The following PPM1H variants were observed in gnomAD, a reference collection of about 807,000 sequenced individuals.
PPM1H encodes the protein protein phosphatase, Mg2+/Mn2+ dependent 1H, also known as protein phosphatase 1H.
Under a neutral mutation model 54.9 loss-of-function variants are expected in PPM1H, and 27 were observed. The ratio of observed to expected loss-of-function variants is 0.49; its 90% confidence interval spans 0.36 to 0.68. The LOEUF is 0.68. Ranked by LOEUF, PPM1H falls within the 30% of genes least tolerant of loss-of-function variation. The probability of loss-of-function intolerance (pLI) is 0.00; values close to 1 mark genes in which losing one functional copy is unlikely to be tolerated. For missense variants in PPM1H, 596 were observed against 667.8 expected, an observed-to-expected ratio of 0.89 and a Z score of 1.19; for synonymous variants, 305 against 270.8, an observed-to-expected ratio of 1.13 and a Z score of -1.24.
intron 1 of PPM1H, among the ~76,000 whole-genome samples, chr12:62,855,442 A>G (rs965635265): frequency 1.3e-5 from 2 of 152,188 alleles, no homozygotes; most frequent in Non-Finnish European, 2.9e-5. Context: ...GGCAATGAGC[A>G]GAAACAGGTT....
At chr12:62,655,702 G>A (rs1268279328) in intron 9 of PPM1H, among the ~76,000 whole-genome samples, 1 of 152,208 alleles carries the variant, frequency 6.6e-6, no homozygotes, top group Admixed American at 6.5e-5. Flanking sequence ...AACTGGGACT[G>A]TGTGGCAGCC....
chr12:62,664,607 A>G (rs961883176), intron 9 of PPM1H, among the ~76,000 whole-genome samples: 1 of 152,192 alleles, frequency 6.6e-6, no homozygotes, highest in Admixed American at 6.5e-5. Context: ...TTTTAGTTCT[A>G]TCATTTTTAA....
At chr12:62,762,841 C>T (rs558069246) in intron 4 of PPM1H, among the ~76,000 whole-genome samples, 21 of 152,214 alleles carry the variant, frequency 1.4e-4, no homozygotes, top group African/African-American at 4.6e-4. Context: ...AGGGGCAATA[C>T]CGGTTAAGAA....
At chr12:62,827,067 A>G (rs926012785) in intron 2 of PPM1H, among the ~76,000 whole-genome samples, 2 of 152,110 alleles carry the variant, frequency 1.3e-5, no homozygotes, top group Non-Finnish European at 2.9e-5. Flanking sequence ...CTGCAACTAT[A>G]ATTTTCAATC....
At chr12:62,756,911 A>G (rs74098823) in intron 4 of PPM1H, among the ~76,000 whole-genome samples, 23,040 of 152,068 alleles carry the variant, frequency 0.15, 2,082 homozygotes, top group African/African-American at 0.25. Flanking sequence ...GCAAAGATTT[A>G]ACCAAAGCCA....
chr12:62,905,766 G>C (rs968257441), intron 1 of PPM1H, among the ~76,000 whole-genome samples: 1 of 152,136 alleles, frequency 6.6e-6, no homozygotes, highest in South Asian at 2.1e-4. Context: ...AATGTTCTAA[G>C]AGGTGTATTA....
intron 3 of PPM1H, among the ~76,000 whole-genome samples, chr12:62,795,921 G>A (rs765939197): frequency 1.9e-4 from 29 of 151,648 alleles, no homozygotes; most frequent in Non-Finnish European, 4.0e-4. Context: ...TAGAGACAGG[G>A]TTTCGCCATG....
intron 1 of PPM1H, among the ~76,000 whole-genome samples, chr12:62,867,966 G>T (rs1470474144): frequency 1.3e-5 from 2 of 152,050 alleles, no homozygotes; most frequent in African/African-American, 2.4e-5. Context: ...GCTTCCAGAG[G>T]GTTGGTTATG....
At chr12:62,672,532 G>T (rs958594480) in intron 8 of PPM1H, among the ~76,000 whole-genome samples, 6 of 152,200 alleles carry the variant, frequency 3.9e-5, no homozygotes, top group African/African-American at 1.4e-4. Context: ...TAAGAGTCTT[G>T]ATTGTACAGA....
At chr12:62,757,624 T>G (rs528999980) in intron 4 of PPM1H, among the ~76,000 whole-genome samples, 2 of 152,232 alleles carry the variant, frequency 1.3e-5, no homozygotes, top group African/African-American at 4.8e-5. Context: ...AGTGTCTTTC[T>G]TGGGGCAAGT....
intron 1 of PPM1H, among the ~76,000 whole-genome samples, chr12:62,834,982 C>A (rs1035056277): frequency 4.6e-5 from 7 of 152,168 alleles, no homozygotes; most frequent in African/African-American, 1.7e-4. Context: ...TCATGACAAC[C>A]ATCCCTCCAT....
At chr12:62,738,466 G>A (rs1313938351) in intron 4 of PPM1H, among the ~76,000 whole-genome samples, 2 of 152,060 alleles carry the variant, frequency 1.3e-5, no homozygotes, top group African/African-American at 2.4e-5. Context: ...TTGAGGGAAC[G>A]GCGTTCCCCA....
intron 1 of PPM1H, among the ~76,000 whole-genome samples, chr12:62,862,367 T>G (rs76520952): frequency 0.017 from 2,581 of 152,290 alleles, 45 homozygotes; most frequent in African/African-American, 0.04. Context: ...TAAGGGCTTT[T>G]CACTACATAT....
chr12:62,755,143 T>C (rs1232602125), intron 4 of PPM1H: 2 of 459,650 alleles, frequency 4.4e-6, no homozygotes, highest in Admixed American at 3.2e-5. Flanking sequence ...ATTTAAATTG[T>C]ACATAAGTAG....
intron 1 of PPM1H, among the ~76,000 whole-genome samples, chr12:62,859,817 TG>T (rs922654254): frequency 1.3e-5 from 2 of 152,180 alleles, no homozygotes; most frequent in African/African-American, 4.8e-5. Context: ...ATTGTTGCTG[TG>T]GGGGCCACCT....
At chr12:62,853,784 C>A (rs1327151809) in intron 1 of PPM1H, among the ~76,000 whole-genome samples, 1 of 152,168 alleles carries the variant, frequency 6.6e-6, no homozygotes, top group Non-Finnish European at 1.5e-5. Flanking sequence ...AGGGAGCCTA[C>A]TCCTTTCTAT....
intron 4 of PPM1H, among the ~76,000 whole-genome samples, chr12:62,786,403 G>A (rs2076671862): frequency 1.3e-5 from 2 of 152,226 alleles, no homozygotes; most frequent in African/African-American, 4.8e-5. Flanking sequence ...TACGGCCCTG[G>A]CCTGTGTCTG....
chr12:62,890,717 TACACACACAC>T (rs5798665), intron 1 of PPM1H, among the ~76,000 whole-genome samples: 10,044 of 143,260 alleles, frequency 0.07, 1,050 homozygotes, highest in African/African-American at 0.22. Flanking sequence ...TGTGTGTGTA[TACACACACAC>T]ACACACACAC....
chr12:62,905,432 T>G (rs985682702), intron 1 of PPM1H, among the ~76,000 whole-genome samples: 1 of 152,030 alleles, frequency 6.6e-6, no homozygotes, highest in Non-Finnish European at 1.5e-5. Flanking sequence ...GCATCAAAAA[T>G]AGTAAGGCCA....
Sources: gnomAD v4.1 joint callset for allele counts (sites outside exome capture counted in the v4.1 genomes callset) on GRCh38, gnomAD v4.1.1 for gene constraint, MANE v1.5 for transcripts, NCBI Gene and HGNC (gene_info 2026-07-23, HGNC 2026-07-21) for gene names.